Variants in MYLK observed in about 807,000 individuals in gnomAD.
MYLK encodes myosin light chain kinase, also known as myosin light chain kinase, smooth muscle.
In MYLK, 106 loss-of-function variants were observed where a neutral mutation model predicts 203.4. The ratio of observed to expected loss-of-function variants is 0.52; its 90% confidence interval spans 0.45 to 0.61. MYLK has a LOEUF of 0.61. Among genes scored for constraint, MYLK ranks in the 20% least tolerant of loss-of-function variants. MYLK has a pLI of 0.00. For missense variants in MYLK, 2,072 were observed against 2,442.3 expected, an observed-to-expected ratio of 0.85 and a Z score of 3.20; for synonymous variants, 867 against 959.5, an observed-to-expected ratio of 0.90 and a Z score of 1.78.
At chr3:123,876,395 T>A (rs889081760) in intron 2 of MYLK, among the ~76,000 whole-genome samples, 164 bp downstream of exon 2, 3 of 152,180 alleles carry the variant, frequency 2.0e-5, no homozygotes, top group African/African-American at 7.2e-5. Context: ...AAAACTGGTA[T>A]GCAATTTCAA....
chr3:123,677,884 AATATATATATATATATATATATAT>A lies in MYLK; in HGVS notation c.3652+4316_3652+4339del, dbSNP rs3085284. Among the ~76,000 whole-genome samples, 423 of 53,582 alleles carry A rather than the reference AATATATATATATATATATATATAT, an allele frequency of 7.9e-3. 23 individuals carry two copies. Among genetic ancestry groups the A allele is most frequent in the Middle Eastern group, 0.027 (3 of 110 alleles). The allele number at this position is 53,582 out of a possible 152,430, so 35.2% of individuals were successfully genotyped here. A position where few individuals can be genotyped will look rare whatever the true frequency, so the allele number is the denominator to read the frequency against. On this transcript the variant is annotated intron_variant, in intron 20 of 33. Coordinates refer to ENST00000360304, the MANE Select transcript of MYLK (RefSeq NM_053025.4). ...CTCTATCTAAATGAATAAATAAATG[AATATATATATATATATATATATAT>A]ATATATATATACACACACACACACA...
At chr3:123,877,099 A>G (rs1003012700) in intron 1 of MYLK, among the ~76,000 whole-genome samples, 39 of 152,334 alleles carry the variant, frequency 2.6e-4, no homozygotes, top group African/African-American at 9.1e-4. Context: ...AGAACCTGTC[A>G]ATCAAACAGA....
chr3:123,826,575 C>T (rs913260056), intron 3 of MYLK, among the ~76,000 whole-genome samples: 3 of 152,200 alleles, frequency 2.0e-5, no homozygotes, highest in Admixed American at 6.5e-5. Flanking sequence ...CCCCACAGAC[C>T]ACTCCTGACA....
chr3:123,782,483 C>CT (rs1415938194), intron 4 of MYLK, among the ~76,000 whole-genome samples: 2 of 152,286 alleles, frequency 1.3e-5, no homozygotes, highest in East Asian at 3.9e-4. Context: ...TACTTATTAA[C>CT]TTTACTTAGA....
chr3:123,818,677 C>G, intron 3 of MYLK, among the ~76,000 whole-genome samples: 1 of 152,142 alleles, frequency 6.6e-6, no homozygotes, highest in Non-Finnish European at 1.5e-5. Context: ...GCGACAGAGC[C>G]AGACCCTCTC....
At chr3:123,705,906 C>A (rs949145658) in intron 16 of MYLK, among the ~76,000 whole-genome samples, 2 of 152,200 alleles carry the variant, frequency 1.3e-5, no homozygotes, top group Non-Finnish European at 1.5e-5. Context: ...CTGACGAGAT[C>A]ATCAGCAGGT....
In MYLK at chr3:123,734,154, T is replaced by C. The variant is rs147770839; in HGVS notation, c.842A>G (p.Lys281Arg). ...VRKEVTNVISKESKLDSLEAA... is the reference protein window; with the variant it reads ...VRKEVTNVISRESKLDSLEAA... The stretch of plus-strand genomic sequence containing the variant: ...CTCCAGACTGTCCAGCTTCGACTCC[T>C]TTGAGATTACATTGGTCACCTCTTT... The change falls in exon 10 of 34, where the codon AAG becomes AGG. Residue 281 changes from lysine (K) to arginine (R), a missense_variant. Lys to Arg is a conservative substitution (Grantham distance 26, BLOSUM62 2). Transcript: ENST00000360304. 3.6e-5 allele frequency: 57 copies of C among 1,566,968 alleles called. No homozygotes were observed. The African/African-American group carries it at 7.2e-4, about 20-fold the overall frequency.
Position 123,734,004 on chromosome 3 carries a change from G to C in MYLK, c.992C>G (p.Thr331Arg). Reference sequence around the variant, plus strand: ...CTGAAGGACCGGGGTCTGCGGGGCCGTTCTGGGCGAGTCCTTGCATGACTC... The same window carrying C: ...CTGAAGGACCGGGGTCTGCGGGGCCCTTCTGGGCGAGTCCTTGCATGACTC... ...KLESCKDSPR[T>R]APQTPVLQKT... Residue 331 changes from threonine to arginine, a missense_variant, in exon 10 of 34, where the codon ACG (threonine) becomes AGG (arginine). Thr to Arg is a moderately conservative substitution (Grantham distance 71). Around this residue, in one of 3 missense-constraint regions of MYLK, gnomAD observed 683 missense variants for 643.8 expected, o/e 1.06. Transcript: ENST00000360304. 1.2e-6 allele frequency: 2 copies of C among 1,614,192 alleles called. No individual in the cohort carries two copies. Among genetic ancestry groups the C allele is most frequent in the Non-Finnish European group, 1.7e-6 (2 of 1,180,030 alleles).
intron 2 of MYLK, among the ~76,000 whole-genome samples, chr3:123,842,855 C>G (rs193188689): frequency 9.8e-5 from 15 of 152,386 alleles, no homozygotes; most frequent in Middle Eastern, 6.8e-3. Flanking sequence ...GAGGTGCTTA[C>G]ATTTCTAGCG....
intron 19 of MYLK, among the ~76,000 whole-genome samples, chr3:123,686,650 T>C (rs537050466): frequency 2.0e-5 from 3 of 152,314 alleles, no homozygotes; most frequent in African/African-American, 7.2e-5. Flanking sequence ...TGTGAGTCCC[T>C]GGGCAAGTTC....
chr3:123,763,689 A>T (rs2108942766), intron 4 of MYLK, among the ~76,000 whole-genome samples: 1 of 152,182 alleles, frequency 6.6e-6, no homozygotes, highest in African/African-American at 2.4e-5. Context: ...TCTGTGAACT[A>T]TTATGTGTGT....
intron 13 of MYLK, among the ~76,000 whole-genome samples, chr3:123,721,350 A>G (rs1399933357): frequency 2.0e-5 from 3 of 152,254 alleles, no homozygotes; most frequent in Non-Finnish European, 4.4e-5. Flanking sequence ...GCATAGGCTC[A>G]GGGTGATGGT....
intron 24 of MYLK, among the ~76,000 whole-genome samples, chr3:123,656,579 CTAAG>C (rs2108267967): frequency 6.6e-6 from 1 of 152,310 alleles, no homozygotes; most frequent in South Asian, 2.1e-4. Context: ...AAGACTCAGA[CTAAG>C]TGTCACCTTC....
At chr3:123,814,680 T>A (rs1577052372) in intron 3 of MYLK, among the ~76,000 whole-genome samples, 1 of 152,250 alleles carries the variant, frequency 6.6e-6, no homozygotes, top group East Asian at 1.9e-4. Flanking sequence ...TGTATCATAT[T>A]CTAGCAAGTA....
intron 20 of MYLK, among the ~76,000 whole-genome samples, chr3:123,669,604 G>T (rs2059844890): frequency 1.3e-5 from 2 of 152,102 alleles, no homozygotes; most frequent in South Asian, 4.1e-4. Context: ...GTATTTAGGT[G>T]TAGAGGGTAT....
intron 20 of MYLK, among the ~76,000 whole-genome samples, chr3:123,669,764 T>C (rs2059851961): frequency 6.6e-6 from 1 of 151,966 alleles, no homozygotes; most frequent in Non-Finnish European, 1.5e-5. Flanking sequence ...GCCAGGTGCA[T>C]TGGCTCACAC....
At chr3:123,810,475 C>T (rs1377954002) in intron 3 of MYLK, among the ~76,000 whole-genome samples, 1 of 152,228 alleles carries the variant, frequency 6.6e-6, no homozygotes, top group Non-Finnish European at 1.5e-5. Flanking sequence ...GGCCGGCCCA[C>T]TGTGTCAGGG....
At chr3:123,615,619 C>T (rs1404681912) in intron 33 of MYLK, among the ~76,000 whole-genome samples, 1 of 149,928 alleles carries the variant, frequency 6.7e-6, no homozygotes, top group East Asian at 2.0e-4. Context: ...CAGGTGTGAG[C>T]TACCTGTGCT....
chr3:123,788,105 G>A (rs761963347), intron 4 of MYLK, among the ~76,000 whole-genome samples: 94 of 152,306 alleles, frequency 6.2e-4, no homozygotes, highest in Non-Finnish European at 8.2e-4. Context: ...TCAGATCCAC[G>A]TGGTAGGAAG....
Sources: allele counts gnomAD v4.1 joint callset (sites outside exome capture counted in the v4.1 genomes callset), GRCh38; gene constraint gnomAD v4.1.1; regional missense constraint gnomAD v4.1.1; transcripts MANE v1.5; gene names NCBI Gene and HGNC (gene_info 2026-07-23, HGNC 2026-07-21).